Variants in ZDHHC21 observed in about 807,000 individuals in gnomAD.
ZDHHC21 encodes zDHHC palmitoyltransferase 21.
Under a neutral mutation model 34.6 loss-of-function variants are expected in ZDHHC21, and 15 were observed. The ratio of observed to expected loss-of-function variants is 0.43; its 90% CI spans 0.29 to 0.67. The LOEUF is 0.67. Among genes scored for constraint, ZDHHC21 ranks in the 30% least tolerant of loss-of-function variants. The pLI, the probability that ZDHHC21 is intolerant of heterozygous loss-of-function variation, is 0.14. For synonymous variants in ZDHHC21, 142 were observed against 101.8 expected (o/e 1.40, Z -2.38); for missense variants, 344 against 327.7 (o/e 1.05, Z -0.38).
At chr9:14,655,037 A>C (rs1831932766) in intron 7 of ZDHHC21, among the ~76,000 whole-genome samples, 1 of 152,050 alleles carries the variant, frequency 6.6e-6, no homozygotes, top group Non-Finnish European at 1.5e-5. Context: ...AAAAGTGCAA[A>C]GAAAACAATA....
chr9:14,650,839 G>C (rs548322733), intron 7 of ZDHHC21, among the ~76,000 whole-genome samples: 1 of 152,026 alleles, frequency 6.6e-6, no homozygotes, highest in Admixed American at 6.6e-5. Flanking sequence ...AATTTTGGCA[G>C]CATTTCCTTT....
chr9:14,677,965 G>A lies in ZDHHC21; in HGVS notation c.-46+2068C>T, dbSNP rs940146244. ...AAAATAATTACCAAGAAATCTATCC[G>A]AACACGTATGTCTATGCTTACAGTT... is the stretch of plus-strand genomic sequence containing the variant. On this transcript the variant is annotated intron_variant, in intron 3 of 9. Coordinates refer to ENST00000380916, the MANE Select transcript of ZDHHC21 (RefSeq NM_178566.6). 3.3e-5 allele frequency among the ~76,000 whole-genome samples: 5 copies of A among 151,964 alleles called. No individual in the cohort carries two copies. The East Asian group carries it at 7.7e-4, about 23-fold the overall frequency.
At chr9:14,608,099 A>C (rs1303851749), downstream of ZDHHC21, among the ~76,000 whole-genome samples, 1 of 152,196 alleles carries the variant, frequency 6.6e-6, no homozygotes, top group Non-Finnish European at 1.5e-5. Context: ...GGTTACTTCT[A>C]GACACCATTA....
chr9:14,674,483 T>C, intron 3 of ZDHHC21, 98 bp from the exon 4 acceptor site: 1 of 636,560 alleles, frequency 1.6e-6, no homozygotes, highest in Non-Finnish European at 2.6e-6. Context: ...TGAGTTTTCT[T>C]TGCATATTTG....
At chr9:14,595,115 TA>T in the ZDHHC21 span, among the ~76,000 whole-genome samples, 1 of 152,186 alleles carries the variant, frequency 6.6e-6, no homozygotes, top group African/African-American at 2.4e-5. Context: ...AATAGTTTAT[TA>T]AAAAATTAAA....
Position 14,658,838 on chromosome 9 carries a change from A to G in ZDHHC21, c.415T>C (p.Cys139Arg). 10 of 1,613,652 alleles carry G rather than the reference A, an allele frequency of 6.2e-6. No individual in the cohort carries two copies. Among genetic ancestry groups the G allele is most frequent in the Non-Finnish European group, 8.5e-6 (10 of 1,179,694 alleles). ...EDNHWLFLQL[C>R]FYTELLTCYA... ...CAAGTAAGAAGTTCAGTGTAGAAAC[A>G]CAACTGCAGAAAGAGCCAATGATTA... is the stretch of plus-strand genomic sequence containing the variant. The change falls in exon 7 of 10, where the codon TGT becomes CGT. Residue 139 changes from cysteine to arginine, a missense_variant. Coordinates refer to ENST00000380916, the MANE Select transcript of ZDHHC21 (RefSeq NM_178566.6).
intron 7 of ZDHHC21, among the ~76,000 whole-genome samples, chr9:14,651,954 C>T (rs1026282551): frequency 2.0e-5 from 3 of 151,858 alleles, no homozygotes; most frequent in South Asian, 4.2e-4. Context: ...GATTTTCATG[C>T]CAATAAATAT....
At chr9:14,660,925 C>A (rs1032764233) in intron 6 of ZDHHC21, among the ~76,000 whole-genome samples, 1 of 152,110 alleles carries the variant, frequency 6.6e-6, no homozygotes, top group African/African-American at 2.4e-5. Flanking sequence ...GTATGATCAG[C>A]AATTATCTGA....
intron 3 of ZDHHC21, among the ~76,000 whole-genome samples, chr9:14,675,794 G>A (rs950134775): frequency 1.3e-4 from 20 of 151,926 alleles, no homozygotes; most frequent in Non-Finnish European, 1.2e-4. Flanking sequence ...CCAGTTAAAC[G>A]AGGAATCAAG....
chr9:14,647,889 G>A (rs898359306), intron 7 of ZDHHC21, among the ~76,000 whole-genome samples: 3 of 152,022 alleles, frequency 2.0e-5, no homozygotes, highest in African/African-American at 4.8e-5. Flanking sequence ...TCTTTATGCT[G>A]AAAGCTCCCA....
At chr9:14,665,915 C>T (rs528088577) in intron 5 of ZDHHC21, among the ~76,000 whole-genome samples, 95 of 148,974 alleles carry the variant, frequency 6.4e-4, no homozygotes, top group African/African-American at 2.1e-3. Flanking sequence ...TAAAGACCAT[C>T]GAGACTAGGA....
the ZDHHC21 span, among the ~76,000 whole-genome samples, chr9:14,598,961 C>T: frequency 0.015 from 2,356 of 152,188 alleles, 28 homozygotes; most frequent in Non-Finnish European, 0.022. Flanking sequence ...CAGGGTTTCA[C>T]CATGTCACCC....
At chr9:14,662,145 C>T in intron 6 of ZDHHC21, 70 bp downstream of exon 6, 2 of 1,089,262 alleles carry the variant, frequency 1.8e-6, no homozygotes, top group Non-Finnish European at 2.6e-6. Context: ...TTGTTTAAAG[C>T]TGCCAAGTTG....
the ZDHHC21 span, among the ~76,000 whole-genome samples, chr9:14,594,389 T>C: frequency 6.6e-6 from 1 of 152,220 alleles, no homozygotes; most frequent in Non-Finnish European, 1.5e-5. Context: ...ATTCACATGC[T>C]AGAAATAAGC....
At chr9:14,676,501 G>GA (rs1438819127) in intron 3 of ZDHHC21, among the ~76,000 whole-genome samples, 5 of 150,548 alleles carry the variant, frequency 3.3e-5, no homozygotes, top group Non-Finnish European at 4.4e-5. Context: ...TGGGGCAGCA[G>GA]AAAAAAAACA....
rs181425274 is a variant in ZDHHC21 at position 14,670,903 on chromosome 9, T to G, written c.253+1927A>C. 3.5e-3 allele frequency among the ~76,000 whole-genome samples: 534 copies of G among 152,222 alleles called. 2 individuals carry two copies. Among genetic ancestry groups the G allele is most frequent in the Non-Finnish European group, 3.1e-3 (212 of 67,976 alleles). ...CCCTACATATCTCTAAAGCCTTTCT[T>G]AGTCATTTCCCTTTCCTTCCTTTAC... On this transcript the variant is annotated intron_variant, in intron 5 of 9. Transcript: ENST00000380916.
intron 9 of ZDHHC21, among the ~76,000 whole-genome samples, 170 bp downstream of exon 9, chr9:14,619,469 T>C (rs1310779505): frequency 6.6e-6 from 1 of 152,078 alleles, no homozygotes; most frequent in African/African-American, 2.4e-5. Flanking sequence ...CTACCATGGC[T>C]GGAAAACCCC....
intron 5 of ZDHHC21, among the ~76,000 whole-genome samples, chr9:14,666,006 T>C (rs1442681515): frequency 2.0e-5 from 3 of 149,452 alleles, no homozygotes; most frequent in South Asian, 4.3e-4. Flanking sequence ...CAATATTAAC[T>C]TTAAATATAA....
At chr9:14,682,721 C>T (rs554661811) in intron 2 of ZDHHC21, among the ~76,000 whole-genome samples, 2 of 152,206 alleles carry the variant, frequency 1.3e-5, no homozygotes, top group Non-Finnish European at 2.9e-5. Context: ...CACCTCAAAT[C>T]AACAGAATAT....
Sources: gnomAD v4.1 joint callset for allele counts (sites outside exome capture counted in the v4.1 genomes callset) on GRCh38, gnomAD v4.1.1 for gene constraint, MANE v1.5 for transcripts, NCBI Gene and HGNC (gene_info 2026-07-23, HGNC 2026-07-21) for gene names.